Variants in KIAA1549L observed in about 807,000 individuals in gnomAD.
KIAA1549L encodes KIAA1549 like.
In KIAA1549L, 88 loss-of-function variants were observed where a neutral mutation model predicts 160.7. The observed-to-expected ratio is 0.55, with a 90% CI of 0.46 to 0.65. The LOEUF (loss-of-function observed/expected upper bound fraction) is 0.65, where lower values mean the gene tolerates loss of function less well. KIAA1549L is among the 30% of genes least tolerant of loss of function. The pLI is 0.00. For synonymous variants in KIAA1549L, 950 were observed against 976.7 expected (o/e 0.97, Z 0.51); for missense variants, 2,258 against 2,437.5 (o/e 0.93, Z 1.55).
intron 12 of KIAA1549L, among the ~76,000 whole-genome samples, chr11:33,597,918 G>A (rs76425032): frequency 0.012 from 1,837 of 152,226 alleles, 37 homozygotes; most frequent in African/African-American, 0.041. Context: ...TTCCTCACTT[G>A]CTAAACAAGG....
At chr11:33,458,148 C>A (rs1851868655) in intron 1 of KIAA1549L, among the ~76,000 whole-genome samples, 1 of 152,114 alleles carries the variant, frequency 6.6e-6, no homozygotes, top group Non-Finnish European at 1.5e-5. Flanking sequence ...GTGAGAGACC[C>A]CTTGTGGTGT....
intron 1 of KIAA1549L, among the ~76,000 whole-genome samples, chr11:33,490,352 C>G (rs1036002297): frequency 1.4e-5 from 2 of 139,746 alleles, no homozygotes; most frequent in Middle Eastern, 3.4e-3. Context: ...GAGACAGTAT[C>G]TTGCTCTGTC....
At chr11:33,410,460 A>G (rs1451453874) in intron 1 of KIAA1549L, among the ~76,000 whole-genome samples, 3 of 152,208 alleles carry the variant, frequency 2.0e-5, no homozygotes, top group Admixed American at 2.0e-4. Flanking sequence ...AGCTAGTTAG[A>G]AGTAGTACCT....
chr11:33,630,974 CT>C (rs1564932230), intron 16 of KIAA1549L, among the ~76,000 whole-genome samples: 1 of 152,176 alleles, frequency 6.6e-6, no homozygotes, highest in African/African-American at 2.4e-5. Flanking sequence ...CAGGTAATTA[CT>C]AGTGGAGGAG....
In KIAA1549L at chr11:33,543,161, G is replaced by C; in HGVS notation, c.1598G>C (p.Gly533Ala). The change falls in exon 2 of 21, where the codon GGG becomes GCG. Residue 533 changes from glycine to alanine, a missense_variant. Gly to Ala is a moderately conservative substitution (Grantham distance 60). Transcript: ENST00000658780. ...MPTLPAEGSDGSPPATRDLLL... is the reference protein window; with the variant it reads ...MPTLPAEGSDASPPATRDLLL... ...ACTCTTCCAGCAGAGGGCAGTGATG[G>C]GTCCCCTCCTGCAACTAGAGACTTG... 6.2e-7 allele frequency: 1 copy of C among 1,613,798 alleles called. No individual in the cohort carries two copies. Among genetic ancestry groups the C allele is most frequent in the Non-Finnish European group, 8.5e-7 (1 of 1,179,878 alleles).
chr11:33,507,207 G>A (rs1196975128), intron 1 of KIAA1549L, among the ~76,000 whole-genome samples: 2 of 152,192 alleles, frequency 1.3e-5, no homozygotes, highest in African/African-American at 4.8e-5. Context: ...GTCAGAGTCA[G>A]CTTTGCCTTG....
At chr11:33,436,815 G>A (rs1473979643) in intron 1 of KIAA1549L, among the ~76,000 whole-genome samples, 1 of 152,182 alleles carries the variant, frequency 6.6e-6, no homozygotes, top group East Asian at 1.9e-4. Flanking sequence ...GATGATGGAG[G>A]AAGGGCAGGA....
intron 1 of KIAA1549L, among the ~76,000 whole-genome samples, chr11:33,450,184 G>A (rs1171973979): frequency 3.3e-5 from 5 of 152,070 alleles, no homozygotes; most frequent in Admixed American, 2.0e-4. Context: ...GCAAATATAA[G>A]AAAATCCCCT....
At chr11:33,484,877 G>T (rs188451517) in intron 1 of KIAA1549L, among the ~76,000 whole-genome samples, 1 of 152,138 alleles carries the variant, frequency 6.6e-6, no homozygotes, top group Admixed American at 6.5e-5. Flanking sequence ...AGTAGGCATG[G>T]ATCATGCCCC....
At chr11:33,666,441 C>G (rs1590469604) in intron 20 of KIAA1549L, among the ~76,000 whole-genome samples, 1 of 152,178 alleles carries the variant, frequency 6.6e-6, no homozygotes, top group African/African-American at 2.4e-5. Context: ...CTGGAGGGAC[C>G]CTGTTCAACT....
intron 1 of KIAA1549L, among the ~76,000 whole-genome samples, chr11:33,440,133 T>C (rs1334441195): frequency 1.3e-5 from 1 of 77,144 alleles, no homozygotes; most frequent in African/African-American, 3.6e-5. Context: ...TTTTTTTTTT[T>C]TTTTTTTTTT....
At chr11:33,433,872 A>T (rs951600121) in intron 1 of KIAA1549L, among the ~76,000 whole-genome samples, 1 of 152,128 alleles carries the variant, frequency 6.6e-6, no homozygotes, top group Non-Finnish European at 1.5e-5. Context: ...CTCACTCATA[A>T]GTGGGAGTTG....
At chr11:33,552,986 C>T (rs781469406) in intron 6 of KIAA1549L, among the ~76,000 whole-genome samples, 10 of 151,802 alleles carry the variant, frequency 6.6e-5, no homozygotes, top group Non-Finnish European at 4.4e-5. Context: ...AGGGAAAATC[C>T]CTGGGAAATG....
intron 1 of KIAA1549L, among the ~76,000 whole-genome samples, chr11:33,401,456 C>T (rs1049003715): frequency 1.3e-4 from 20 of 151,788 alleles, no homozygotes; most frequent in African/African-American, 4.3e-4. Flanking sequence ...GAATGAGTCT[C>T]CTTGAGCCTT....
At chr11:33,392,273 C>G (rs867316584) in intron 1 of KIAA1549L, among the ~76,000 whole-genome samples, 1 of 152,096 alleles carries the variant, frequency 6.6e-6, no homozygotes, top group Non-Finnish European at 1.5e-5. Flanking sequence ...TAGTAAACAC[C>G]CCTATATCTA....
At position 33,471,836 on chromosome 11, in the gene KIAA1549L, C is replaced by G. The variant is rs140479359; in HGVS notation, c.239-69966C>G. Among the ~76,000 whole-genome samples, 57 of 152,340 alleles carry G rather than the reference C, an allele frequency of 3.7e-4. No individual in the cohort carries two copies. In the East Asian group the frequency reaches 9.3e-3, roughly 25 times the overall value. ...CAGAGCCAGGTTTCTGAGGTCCATC[C>G]TGGGTTGTACATTCTGCGAGTCTCT... On this transcript the variant is annotated intron_variant, in intron 1 of 20. Transcript: ENST00000658780.
rs978257709 is a variant in KIAA1549L at position 33,617,058 on chromosome 11, C to T, written c.5280-1475C>T. Among the ~76,000 whole-genome samples the T allele has an allele frequency of 2.6e-5, 4 of 151,086 alleles. 1 individual carries two copies. The South Asian group carries it at 8.3e-4, about 32-fold the overall frequency. On this transcript the variant is annotated intron_variant, in intron 15 of 20. Transcript: ENST00000658780. ...CAGGAGGGTGAGATGGAAGGATCACCTAATCCAAGGAGGTCAAGGCTGCAG... is the reference window on the plus strand; with the variant it reads ...CAGGAGGGTGAGATGGAAGGATCACTTAATCCAAGGAGGTCAAGGCTGCAG...
chr11:33,565,275 T>C (rs145392741), intron 8 of KIAA1549L, among the ~76,000 whole-genome samples: 16 of 152,302 alleles, frequency 1.1e-4, no homozygotes, highest in African/African-American at 3.1e-4. Flanking sequence ...GGGACACATT[T>C]CCATGCCTTG....
chr11:33,497,076 A>G (rs1172942112), intron 1 of KIAA1549L, among the ~76,000 whole-genome samples: 1 of 152,076 alleles, frequency 6.6e-6, no homozygotes, highest in East Asian at 1.9e-4. Context: ...CTCTTCGAGA[A>G]GCCTTCCCTG....
Sources: allele counts gnomAD v4.1 joint callset (sites outside exome capture counted in the v4.1 genomes callset), GRCh38; gene constraint gnomAD v4.1.1; transcripts MANE v1.5; gene names NCBI Gene and HGNC (gene_info 2026-07-23, HGNC 2026-07-21).